The following CAPSL variants were observed in gnomAD, a reference collection of about 807,000 sequenced individuals.
CAPSL encodes the protein calcyphosine like.
A neutral mutation model predicts 21.3 loss-of-function variants in CAPSL; 17 were observed. That is an observed-to-expected ratio of 0.80 (90% CI 0.55 to 1.20). CAPSL has a LOEUF of 1.20. CAPSL is among the 50% of genes most tolerant of loss of function. CAPSL has a pLI of 0.00. For missense variants in CAPSL, 289 were observed against 259.3 expected (o/e 1.11, Z -0.79); for synonymous variants, 102 against 89.3 (o/e 1.14, Z -0.80).
At chr5:35,919,814 T>A (rs6894390) in intron 2 of CAPSL, among the ~76,000 whole-genome samples, 1 of 152,146 alleles carries the variant, frequency 6.6e-6, no homozygotes. Context: ...GTCCATTGAC[T>A]GTAGACTGGT....
At chr5:35,916,037 G>A (rs1738376513) in intron 2 of CAPSL, among the ~76,000 whole-genome samples, 1 of 151,802 alleles carries the variant, frequency 6.6e-6, no homozygotes, top group African/African-American at 2.4e-5. Context: ...AAATCAATGT[G>A]CAAAAATCGC....
chr5:35,904,621 T>C lies in CAPSL; in HGVS notation c.551A>G (p.Tyr184Cys), dbSNP rs764429047. 1 of 1,613,768 alleles carries C rather than the reference T, an allele frequency of 6.2e-7. No individual in the cohort carries two copies. The highest frequency in any genetic ancestry group is 8.5e-7 in the Non-Finnish European group (1 of 1,179,858). The change falls in exon 5 of 5, where the codon TAC becomes TGC. Residue 184 changes from tyrosine to cysteine, a missense_variant. Tyr to Cys is a radical substitution (Grantham distance 194). Coordinates refer to ENST00000651391, the MANE Select transcript of CAPSL (RefSeq NM_001042625.2). Reference sequence around the variant, plus strand: ...AATGGATGCGCTCACACCTGCATAGTAGTTCATGAACTCCTCAGGGGTCAC... The same window carrying C: ...AATGGATGCGCTCACACCTGCATAGCAGTTCATGAACTCCTCAGGGGTCAC... Reference protein sequence around the residue: ...GLVTPEEFMNYYAGVSASIDT... With the variant: ...GLVTPEEFMNCYAGVSASIDT...
chr5:35,930,636 T>TTA (rs1382013734), intron 1 of CAPSL, among the ~76,000 whole-genome samples: 3 of 152,220 alleles, frequency 2.0e-5, no homozygotes, highest in Admixed American at 1.3e-4. Context: ...TAATGCATGT[T>TTA]TATTAAACAC....
At chr5:35,925,096 C>G (rs748524768) in intron 1 of CAPSL, among the ~76,000 whole-genome samples, 4 of 152,254 alleles carry the variant, frequency 2.6e-5, no homozygotes, top group Non-Finnish European at 4.4e-5. Context: ...CACGTGTTCT[C>G]AGGCGTCTGC....
chr5:35,909,929 A>G lies in CAPSL; in HGVS notation c.462T>C (p.Ser154=). ...HHPKYQNGEW[S]EEQVFRKFLD... is the part of the protein sequence containing the mutation. Reference sequence around the variant, plus strand: ...GAAATTTCCTAAATACTTGTTCCTCACTCCATTCCCCATTCTGGTACTTTG... The same window carrying G: ...GAAATTTCCTAAATACTTGTTCCTCGCTCCATTCCCCATTCTGGTACTTTG... Residue 154 remains serine (S), a synonymous_variant, in exon 4 of 5, where the codon AGT becomes AGC. Coordinates refer to ENST00000651391, the MANE Select transcript of CAPSL (RefSeq NM_001042625.2). The G allele has an allele frequency of 6.2e-7, 1 of 1,613,580 alleles. No individual in the cohort carries two copies. The highest frequency in any genetic ancestry group is 8.5e-7 in the Non-Finnish European group (1 of 1,179,840).
intron 4 of CAPSL, among the ~76,000 whole-genome samples, chr5:35,906,851 C>T (rs1441052280): frequency 1.3e-5 from 2 of 152,114 alleles, no homozygotes; most frequent in African/African-American, 4.8e-5. Flanking sequence ...ATAAAGGAAG[C>T]ATTAAACCTC....
chr5:35,907,513 T>A (rs1331407097), intron 4 of CAPSL, among the ~76,000 whole-genome samples: 4 of 152,022 alleles, frequency 2.6e-5, no homozygotes, highest in Non-Finnish European at 5.9e-5. Context: ...AGAAAAGGGG[T>A]AAGGAAAGTC....
intron 2 of CAPSL, among the ~76,000 whole-genome samples, chr5:35,910,950 T>A (rs1738204927): frequency 6.6e-6 from 1 of 152,178 alleles, no homozygotes; most frequent in African/African-American, 2.4e-5. Flanking sequence ...GCATATCAAT[T>A]TTAAAAAAAT....
chr5:35,933,804 A>T (rs1053214036), intron 1 of CAPSL, among the ~76,000 whole-genome samples: 1 of 152,222 alleles, frequency 6.6e-6, no homozygotes, highest in African/African-American at 2.4e-5. Context: ...AGTTTGGGAA[A>T]TTTTAATTCT....
intron 1 of CAPSL, among the ~76,000 whole-genome samples, chr5:35,935,659 CT>C (rs1372879850): frequency 1.3e-5 from 2 of 152,152 alleles, no homozygotes; most frequent in Non-Finnish European, 2.9e-5. Context: ...TCAAGATTGA[CT>C]TTATCTGCAG....
chr5:35,926,096 G>C (rs971293324), intron 1 of CAPSL, among the ~76,000 whole-genome samples: 3 of 138,830 alleles, frequency 2.2e-5, no homozygotes, highest in Non-Finnish European at 4.7e-5. Flanking sequence ...AAAAAAAAAC[G>C]AAAAAACGGG....
At chr5:35,936,162 A>C (rs1288614510) in intron 1 of CAPSL, among the ~76,000 whole-genome samples, 1 of 152,074 alleles carries the variant, frequency 6.6e-6, no homozygotes, top group African/African-American at 2.4e-5. Flanking sequence ...AATTCACATC[A>C]TCCTCCTCCA....
intron 1 of CAPSL, 42 bp from the exon 2 acceptor site, chr5:35,921,162 C>T (rs1244119780): frequency 3.1e-6 from 5 of 1,602,872 alleles, no homozygotes. Flanking sequence ...CCAGGCCTCG[C>T]CGCTGCCTCT....
At chr5:35,922,806 C>T (rs1738572755) in intron 1 of CAPSL, among the ~76,000 whole-genome samples, 1 of 152,186 alleles carries the variant, frequency 6.6e-6, no homozygotes. Flanking sequence ...ATTCCCAGAG[C>T]TCGTTCCCAG....
intron 2 of CAPSL, among the ~76,000 whole-genome samples, chr5:35,920,732 C>G (rs1240315523): frequency 6.6e-6 from 1 of 152,196 alleles, no homozygotes; most frequent in East Asian, 1.9e-4. Flanking sequence ...GCTGCTTCTC[C>G]CTTTACCTCA....
chr5:35,911,742 G>A (rs1270308631), intron 2 of CAPSL, among the ~76,000 whole-genome samples: 2 of 152,268 alleles, frequency 1.3e-5, no homozygotes, highest in African/African-American at 4.8e-5. Flanking sequence ...AAAAATAAGG[G>A]GGTGGAGCAA....
At chr5:35,913,585 G>T (rs959842493) in intron 2 of CAPSL, among the ~76,000 whole-genome samples, 4 of 152,120 alleles carry the variant, frequency 2.6e-5, no homozygotes, top group Non-Finnish European at 4.4e-5. Context: ...TTTCAACACA[G>T]AATTTCGTAT....
chr5:35,922,552 G>GCTACA (rs1342385370), intron 1 of CAPSL, among the ~76,000 whole-genome samples: 3 of 152,160 alleles, frequency 2.0e-5, no homozygotes, highest in Non-Finnish European at 4.4e-5. Context: ...TCTGTCTAAA[G>GCTACA]CTACACAGTC....
intron 1 of CAPSL, among the ~76,000 whole-genome samples, chr5:35,925,932 C>T (rs1738663573): frequency 6.6e-6 from 1 of 152,044 alleles, no homozygotes; most frequent in African/African-American, 2.4e-5. Flanking sequence ...AAAAATTAGC[C>T]GGTCATGATG....
Sources: allele counts gnomAD v4.1 joint callset (sites outside exome capture counted in the v4.1 genomes callset), GRCh38; gene constraint gnomAD v4.1.1; transcripts MANE v1.5; gene names NCBI Gene and HGNC (gene_info 2026-07-23, HGNC 2026-07-21).